KIAA1217: variants seen among roughly 807,000 people sequenced by gnomAD.
KIAA1217 encodes the protein sickle tail protein homolog.
KIAA1217 carries 88 observed loss-of-function variants against 163.9 expected under a neutral mutation model. The ratio of observed to expected loss-of-function variants is 0.54; its 90% CI spans 0.45 to 0.64. The LOEUF (loss-of-function observed/expected upper bound fraction) is 0.64, where lower values mean the gene tolerates loss of function less well. Ranked by LOEUF, KIAA1217 falls within the 30% of genes least tolerant of loss-of-function variation. The pLI, the probability that KIAA1217 is intolerant of heterozygous loss-of-function variation, is 0.00. For missense variants in KIAA1217, 2,372 were observed against 2,475.0 expected, an observed-to-expected ratio of 0.96 and a Z score of 0.88; for synonymous variants, 903 against 923.1, an observed-to-expected ratio of 0.98 and a Z score of 0.39.
chr10:23,760,923 A>G (rs1373593733), intron 1 of KIAA1217, among the ~76,000 whole-genome samples: 1 of 152,168 alleles, frequency 6.6e-6, no homozygotes, highest in Non-Finnish European at 1.5e-5. Flanking sequence ...TCAGTCATTA[A>G]CTCTTAAATG....
At chr10:24,274,697 C>T (rs2132043084) in intron 2 of KIAA1217, among the ~76,000 whole-genome samples, 2 of 152,152 alleles carry the variant, frequency 1.3e-5, no homozygotes, top group Middle Eastern at 6.8e-3. Flanking sequence ...TCTTTGGTTA[C>T]CTTTTTATCA....
intron 2 of KIAA1217, among the ~76,000 whole-genome samples, chr10:24,133,705 CAT>C (rs1191182984): frequency 6.6e-6 from 1 of 152,028 alleles, no homozygotes; most frequent in Non-Finnish European, 1.5e-5. Context: ...GACAGCCAAA[CAT>C]ATTCTTTATA....
At chr10:24,116,862 C>G (rs2063073915) in intron 2 of KIAA1217, among the ~76,000 whole-genome samples, 1 of 152,108 alleles carries the variant, frequency 6.6e-6, no homozygotes, top group African/African-American at 2.4e-5. Flanking sequence ...GTACTTATTT[C>G]TAGAAGGATG....
intron 1 of KIAA1217, among the ~76,000 whole-genome samples, chr10:23,982,651 C>T (rs916289629): frequency 1.3e-5 from 2 of 150,434 alleles, no homozygotes; most frequent in African/African-American, 4.9e-5. Context: ...GCAACCTCCA[C>T]CTCCTGAGTT....
chr10:23,963,897 CTTT>C (rs59540632), intron 1 of KIAA1217, among the ~76,000 whole-genome samples: 4 of 137,896 alleles, frequency 2.9e-5, no homozygotes, highest in Non-Finnish European at 3.1e-5. Flanking sequence ...TTTCTCTTTT[CTTT>C]TTTTTTTTTT....
intron 1 of KIAA1217, among the ~76,000 whole-genome samples, chr10:23,961,019 C>A (rs1248008723): frequency 6.6e-6 from 1 of 151,996 alleles, no homozygotes; most frequent in Non-Finnish European, 1.5e-5. Flanking sequence ...TTTTATAAAG[C>A]CTCCAGAGAA....
intron 2 of KIAA1217, among the ~76,000 whole-genome samples, chr10:24,273,922 T>C (rs2077016261): frequency 6.6e-6 from 1 of 151,596 alleles, no homozygotes; most frequent in Admixed American, 6.6e-5. Flanking sequence ...AGTTGAGCAA[T>C]ATTCCCAAAT....
At chr10:23,715,075 G>A (rs1035168035) in intron 1 of KIAA1217, among the ~76,000 whole-genome samples, 7 of 152,168 alleles carry the variant, frequency 4.6e-5, no homozygotes, top group African/African-American at 1.4e-4. Context: ...GTTTACAAAA[G>A]GAACAGTAAA....
intron 1 of KIAA1217, among the ~76,000 whole-genome samples, chr10:23,918,733 T>TATATATATACACAC (rs769797460): frequency 2.0e-3 from 288 of 147,572 alleles, no homozygotes; most frequent in African/African-American, 6.8e-3. Context: ...ATTAAATATA[T>TATATATATACACAC]ACACACACAC....
At chr10:24,244,466 C>T (rs1013989370) in intron 2 of KIAA1217, among the ~76,000 whole-genome samples, 1 of 151,966 alleles carries the variant, frequency 6.6e-6, no homozygotes, top group Non-Finnish European at 1.5e-5. Context: ...TGCTTTTTCT[C>T]TTCAGATGTC....
intron 1 of KIAA1217, among the ~76,000 whole-genome samples, chr10:23,748,503 G>A (rs1319831270): frequency 7.9e-5 from 10 of 126,954 alleles, no homozygotes; most frequent in African/African-American, 3.5e-4. Context: ...GAAGGGAAAG[G>A]AGAGGAGAGG....
At chr10:24,400,141 G>C (rs1380979137) in intron 3 of KIAA1217, among the ~76,000 whole-genome samples, 1 of 152,120 alleles carries the variant, frequency 6.6e-6, no homozygotes, top group Admixed American at 6.5e-5. Flanking sequence ...TCCCAGGAAA[G>C]CAGCAAAGAG....
chr10:24,361,635 C>T (rs1369263386), intron 2 of KIAA1217, among the ~76,000 whole-genome samples: 1 of 152,124 alleles, frequency 6.6e-6, no homozygotes, highest in East Asian at 1.9e-4. Flanking sequence ...CATGCAGGGC[C>T]TCCTTGTAGA....
At chr10:24,095,065 G>T (rs893390962) in intron 2 of KIAA1217, among the ~76,000 whole-genome samples, 1 of 152,144 alleles carries the variant, frequency 6.6e-6, no homozygotes, top group South Asian at 2.1e-4. Flanking sequence ...CTTCTGATGC[G>T]CCGTTTCCTA....
chr10:24,053,924 C>G (rs558447604), intron 2 of KIAA1217, among the ~76,000 whole-genome samples: 14 of 152,104 alleles, frequency 9.2e-5, no homozygotes, highest in Non-Finnish European at 1.6e-4. Flanking sequence ...ATTTAGGAAA[C>G]AGCAAAGTAG....
chr10:24,289,418 C>T (rs556720631), intron 2 of KIAA1217, among the ~76,000 whole-genome samples: 2 of 152,028 alleles, frequency 1.3e-5, no homozygotes, highest in South Asian at 4.2e-4. Flanking sequence ...GGTGGATTTG[C>T]TTTTAATAGG....
At chr10:24,177,298 T>TAAA (rs58744670) in intron 2 of KIAA1217, among the ~76,000 whole-genome samples, 2 of 68,616 alleles carry the variant, frequency 2.9e-5, no homozygotes, top group Non-Finnish European at 6.1e-5. Context: ...TATATATATA[T>TAAA]TACAATTTCT....
chr10:24,364,850 T>C (rs1365954019), intron 2 of KIAA1217, among the ~76,000 whole-genome samples: 2 of 151,888 alleles, frequency 1.3e-5, no homozygotes, highest in African/African-American at 4.8e-5. Flanking sequence ...AGTACGTTGG[T>C]GTGATCATAG....
chr10:24,507,082 C>T (rs189259072), intron 9 of KIAA1217, among the ~76,000 whole-genome samples: 11 of 152,264 alleles, frequency 7.2e-5, no homozygotes, highest in African/African-American at 2.4e-4. Flanking sequence ...TTGTAGAGAT[C>T]GGAGAAGGAC....
Sources: allele counts gnomAD v4.1 joint callset (sites outside exome capture counted in the v4.1 genomes callset), GRCh38; gene constraint gnomAD v4.1.1; transcripts MANE v1.5; gene names NCBI Gene and HGNC (gene_info 2026-07-23, HGNC 2026-07-21).